SNAP25: variants seen among roughly 807,000 people sequenced by gnomAD.
SNAP25 encodes the protein synaptosomal-associated protein 25.
In SNAP25, 3 loss-of-function variants were observed where a neutral mutation model predicts 28.7. The observed-to-expected ratio is 0.10, with a 90% CI of 0.05 to 0.27. The LOEUF is 0.27. Ranked by LOEUF, SNAP25 falls within the 10% of genes least tolerant of loss-of-function variation. The pLI is 1.00. For missense variants in SNAP25, 117 were observed against 278.7 expected, an observed-to-expected ratio of 0.42 and a Z score of 4.13; for synonymous variants, 61 against 88.1, an observed-to-expected ratio of 0.69 and a Z score of 1.72.
chr20:10,272,079 C>T (rs981426884), intron 1 of SNAP25, among the ~76,000 whole-genome samples: 2 of 152,188 alleles, frequency 1.3e-5, no homozygotes, highest in African/African-American at 4.8e-5. Flanking sequence ...CTCAGCACCA[C>T]AGCAACATGT....
chr20:10,280,058 T>C (rs1478751530), intron 3 of SNAP25, among the ~76,000 whole-genome samples: 1 of 152,256 alleles, frequency 6.6e-6, no homozygotes, highest in African/African-American at 2.4e-5. Flanking sequence ...ATCTTACTCA[T>C]GATCCCAAGG....
At chr20:10,243,067 G>T (rs913242422) in intron 1 of SNAP25, among the ~76,000 whole-genome samples, 1 of 152,170 alleles carries the variant, frequency 6.6e-6, no homozygotes, top group East Asian at 1.9e-4. Context: ...AGGGGCACTG[G>T]CTTTACCGTT....
At chr20:10,263,053 C>A (rs1401328627) in intron 1 of SNAP25, among the ~76,000 whole-genome samples, 1 of 115,452 alleles carries the variant, frequency 8.7e-6, no homozygotes, top group Non-Finnish European at 1.7e-5. Context: ...GAGTCTCGCT[C>A]TGTCGCCCAG....
At position 10,257,698 on chromosome 20, in the gene SNAP25, C is replaced by T. The variant is rs113013735; in HGVS notation, c.-63-17731C>T. On this transcript the variant is annotated intron_variant, in intron 1 of 7. Transcript: ENST00000254976. ...TGCACTCCAGCCTGGTCAACAAGAGCGAAACTCCGTCTCAAAAACAAAACA... is the reference window on the plus strand; with the variant it reads ...TGCACTCCAGCCTGGTCAACAAGAGTGAAACTCCGTCTCAAAAACAAAACA... 2.4e-3 allele frequency among the ~76,000 whole-genome samples: 348 copies of T among 146,382 alleles called. 2 individuals carry two copies. The highest frequency in any genetic ancestry group is 8.6e-3 in the African/African-American group (330 of 38,444).
At chr20:10,303,862 C>G (rs2064296126) in intron 7 of SNAP25, among the ~76,000 whole-genome samples, 1 of 152,102 alleles carries the variant, frequency 6.6e-6, no homozygotes, top group Non-Finnish European at 1.5e-5. Context: ...AGAGATCAAC[C>G]AAGAGATTAA....
At chr20:10,285,249 A>G (rs2284297) in intron 4 of SNAP25, among the ~76,000 whole-genome samples, 6,894 of 152,268 alleles carry the variant, frequency 0.045, 231 homozygotes, top group South Asian at 0.11. Flanking sequence ...GCTGTTTTTC[A>G]CAGAATATAA....
chr20:10,232,979 A>T (rs143370273), intron 1 of SNAP25, among the ~76,000 whole-genome samples: 149 of 152,320 alleles, frequency 9.8e-4, no homozygotes, highest in African/African-American at 3.3e-3. Flanking sequence ...GATCTGAATC[A>T]TATAGATCTG....
intron 5 of SNAP25, among the ~76,000 whole-genome samples, chr20:10,294,218 C>G (rs2064057634): frequency 6.6e-6 from 1 of 152,204 alleles, no homozygotes; most frequent in Admixed American, 6.5e-5. Context: ...TAAAAGCTCT[C>G]CTGATCCTAG....
chr20:10,234,264 T>C (rs975284091), intron 1 of SNAP25, among the ~76,000 whole-genome samples: 1 of 152,156 alleles, frequency 6.6e-6, no homozygotes, highest in Admixed American at 6.5e-5. Context: ...ATATGAAAAC[T>C]GGGACATAGA....
intron 1 of SNAP25, among the ~76,000 whole-genome samples, chr20:10,242,110 G>A (rs1199755206): frequency 5.3e-5 from 8 of 152,202 alleles, no homozygotes; most frequent in African/African-American, 1.9e-4. Context: ...TCCGCCTGGA[G>A]CAGAAGAGAA....
chr20:10,298,180 A>C (rs2064156239), intron 6 of SNAP25, among the ~76,000 whole-genome samples: 1 of 151,886 alleles, frequency 6.6e-6, no homozygotes, highest in South Asian at 2.1e-4. Flanking sequence ...GAAGTGAGAC[A>C]CAAGCACCTG....
chr20:10,251,728 A>G (rs1229680367), intron 1 of SNAP25, among the ~76,000 whole-genome samples: 1 of 152,170 alleles, frequency 6.6e-6, no homozygotes, highest in Non-Finnish European at 1.5e-5. Flanking sequence ...GTTATTCATG[A>G]GATCTTCTGT....
Position 10,228,444 on chromosome 20 carries a change from C to A in SNAP25, c.-64+9467C>A, listed in dbSNP as rs1232436969. ...CACTGCTGATACATAGAACGTGAGT[C>A]AGCCAAATCTAAAAAGCTGAGTCCT... On this transcript the variant is annotated intron_variant, in intron 1 of 7. Transcript: ENST00000254976. Among the ~76,000 whole-genome samples, 5 of 152,252 alleles carry A rather than the reference C, an allele frequency of 3.3e-5. No homozygotes were observed. In the East Asian group the frequency reaches 9.7e-4, roughly 29 times the overall value.
At chr20:10,279,662 C>T (rs886126120) in intron 3 of SNAP25, among the ~76,000 whole-genome samples, 1 of 152,218 alleles carries the variant, frequency 6.6e-6, no homozygotes, top group Admixed American at 6.5e-5. Flanking sequence ...GAAAATCTCT[C>T]AAAAGCTTAT....
chr20:10,269,058 GTCAA>G, intron 1 of SNAP25, among the ~76,000 whole-genome samples: 1 of 152,322 alleles, frequency 6.6e-6, no homozygotes, highest in East Asian at 1.9e-4. Flanking sequence ...TGTAGGAATA[GTCAA>G]TCAAAGGCAA....
intron 4 of SNAP25, among the ~76,000 whole-genome samples, chr20:10,291,717 A>C (rs777027987): frequency 6.6e-6 from 1 of 152,224 alleles, no homozygotes; most frequent in Non-Finnish European, 1.5e-5. Flanking sequence ...GTATGCCCTT[A>C]GGCTGGAAAT....
intron 1 of SNAP25, among the ~76,000 whole-genome samples, chr20:10,242,569 G>A (rs1382149533): frequency 2.0e-5 from 3 of 152,152 alleles, no homozygotes; most frequent in East Asian, 1.9e-4. Context: ...TAGTGGCCAC[G>A]ACTTTACTGA....
intron 1 of SNAP25, among the ~76,000 whole-genome samples, chr20:10,244,589 A>G (rs2063093988): frequency 6.6e-6 from 1 of 152,212 alleles, no homozygotes. Flanking sequence ...CTACACTTGT[A>G]ACCACTACAT....
rs956599079 is a variant in SNAP25, at chr20:10,277,696, C to T, written c.84C>T (p.Ser28=). Residue 28 remains serine, a synonymous_variant, in exon 3 of 8, where the codon AGC becomes AGT. Coordinates refer to ENST00000254976, the MANE Select transcript of SNAP25 (RefSeq NM_130811.4). ...ADQLADESLE[S]TRRMLQLVEE... ...TTTTTAAATCTTAGTCGCTGGAAAG[C>T]ACCCGTCGTATGCTGCAACTGGTTG... The T allele has an allele frequency of 6.2e-7, 1 of 1,613,632 alleles. No homozygotes were observed. The highest frequency in any genetic ancestry group is 8.5e-7 in the Non-Finnish European group (1 of 1,179,918).
Sources: gnomAD v4.1 joint callset for allele counts (sites outside exome capture counted in the v4.1 genomes callset) on GRCh38, gnomAD v4.1.1 for gene constraint, MANE v1.5 for transcripts, NCBI Gene and HGNC (gene_info 2026-07-23, HGNC 2026-07-21) for gene names.